FAM13A: variants seen among roughly 807,000 people sequenced by gnomAD.
FAM13A encodes protein FAM13A.
A neutral mutation model predicts 129.6 loss-of-function variants in FAM13A; 76 were observed. The ratio of observed to expected loss-of-function variants is 0.59; its 90% CI spans 0.49 to 0.71. FAM13A has a LOEUF of 0.71. Ranked by LOEUF, FAM13A falls within the 30% of genes least tolerant of loss-of-function variation. FAM13A has a pLI of 0.00. For missense variants in FAM13A, 1,108 were observed against 1,249.3 expected, an observed-to-expected ratio of 0.89 and a Z score of 1.70; for synonymous variants, 443 against 449.9, an observed-to-expected ratio of 0.98 and a Z score of 0.20.
rs1048567195 is a variant in FAM13A, at chr4:88,922,359, C to T, written c.759+15729G>A. Among the ~76,000 whole-genome samples the T allele has an allele frequency of 1.7e-4, 26 of 152,138 alleles. No homozygotes were observed. In the East Asian group the frequency reaches 3.5e-3, roughly 20 times the overall value. ...ACATTATAACAAACTGTCTCTCAGACCACAGTGCAATCAAACTAGAACTCA... is the reference window on the plus strand; with the variant it reads ...ACATTATAACAAACTGTCTCTCAGATCACAGTGCAATCAAACTAGAACTCA... On this transcript the variant is annotated intron_variant, in intron 5 of 23. Transcript: ENST00000264344.
chr4:88,974,411 G>C (rs1760614694), intron 4 of FAM13A, among the ~76,000 whole-genome samples: 1 of 152,128 alleles, frequency 6.6e-6, no homozygotes. Flanking sequence ...CTTGTTGTTA[G>C]GAACGAGTGG....
intron 1 of FAM13A, 102 bp from the exon 2 acceptor site, chr4:89,029,751 T>C (rs1180709174): frequency 1.0e-6 from 1 of 970,782 alleles, no homozygotes; most frequent in Admixed American, 2.2e-5. Context: ...TGAAGATGAA[T>C]AGTTGTGGTC....
intron 10 of FAM13A, among the ~76,000 whole-genome samples, chr4:88,782,420 C>T (rs1723136748): frequency 6.6e-6 from 1 of 151,960 alleles, no homozygotes; most frequent in African/African-American, 2.4e-5. Flanking sequence ...GTTAATGTAC[C>T]TCCCTAAACA....
At chr4:88,792,947 T>C (rs1275984658) in intron 8 of FAM13A, among the ~76,000 whole-genome samples, 1 of 152,056 alleles carries the variant, frequency 6.6e-6, no homozygotes, top group Non-Finnish European at 1.5e-5. Flanking sequence ...CTGAGATTTC[T>C]AACTCTTTAA....
intron 7 of FAM13A, among the ~76,000 whole-genome samples, chr4:88,830,611 C>T (rs1265095089): frequency 6.6e-6 from 1 of 152,166 alleles, no homozygotes; most frequent in Non-Finnish European, 1.5e-5. Flanking sequence ...AGATGCCCCT[C>T]TTTAATTCTG....
At chr4:88,864,248 G>C (rs886640575) in intron 6 of FAM13A, among the ~76,000 whole-genome samples, 6 of 152,214 alleles carry the variant, frequency 3.9e-5, no homozygotes, top group Admixed American at 3.3e-4. Context: ...AGGATGCCAG[G>C]AAAGATTCCA....
At chr4:88,799,247 C>A (rs1726911953) in intron 8 of FAM13A, among the ~76,000 whole-genome samples, 1 of 152,154 alleles carries the variant, frequency 6.6e-6, no homozygotes, top group South Asian at 2.1e-4. Flanking sequence ...CGACCTGAGA[C>A]TTAGAATCCT....
chr4:89,009,898 T>C (rs578074280), intron 3 of FAM13A, among the ~76,000 whole-genome samples: 24 of 152,282 alleles, frequency 1.6e-4, no homozygotes, highest in African/African-American at 5.8e-4. Context: ...CTCTTAATCA[T>C]GAGTAACTAC....
At chr4:89,039,902 AC>A (rs1769884224) in intron 1 of FAM13A, among the ~76,000 whole-genome samples, 1 of 152,014 alleles carries the variant, frequency 6.6e-6, no homozygotes, top group East Asian at 1.9e-4. Flanking sequence ...GCAGTGAGCT[AC>A]GATCACACCA....
intron 2 of FAM13A, among the ~76,000 whole-genome samples, chr4:89,022,631 T>C (rs1032535659): frequency 3.9e-5 from 6 of 152,142 alleles, no homozygotes; most frequent in African/African-American, 1.4e-4. Context: ...TCCCCTCTAC[T>C]TGAGTGTGGG....
intron 6 of FAM13A, among the ~76,000 whole-genome samples, chr4:88,872,730 G>A (rs557551840): frequency 5.2e-4 from 79 of 152,212 alleles, no homozygotes; most frequent in African/African-American, 1.7e-3. Flanking sequence ...ACAGATCAAC[G>A]AGACAGAAGA....
chr4:89,037,853 C>T (rs553731923), intron 1 of FAM13A, among the ~76,000 whole-genome samples: 1 of 152,220 alleles, frequency 6.6e-6, no homozygotes, highest in Admixed American at 6.5e-5. Context: ...TAAGATGAAC[C>T]TGCTTCCCCT....
intron 4 of FAM13A, among the ~76,000 whole-genome samples, chr4:88,983,893 T>C (rs1321215696): frequency 6.6e-6 from 1 of 152,184 alleles, no homozygotes; most frequent in Non-Finnish European, 1.5e-5. Flanking sequence ...ACTTCATGAT[T>C]TTAAAACTCA....
intron 8 of FAM13A, among the ~76,000 whole-genome samples, chr4:88,793,238 T>C (rs1725515251): frequency 6.6e-6 from 1 of 152,000 alleles, no homozygotes; most frequent in Non-Finnish European, 1.5e-5. Context: ...GGAAAACTCA[T>C]GTTAACCTCA....
At chr4:88,771,099 A>C (rs1216722679) in intron 11 of FAM13A, among the ~76,000 whole-genome samples, 2 of 151,126 alleles carry the variant, frequency 1.3e-5, no homozygotes, top group African/African-American at 4.9e-5. Flanking sequence ...GCTGGGTTGC[A>C]CCTATACCTT....
chr4:88,797,994 A>G (rs1726573351), intron 8 of FAM13A, among the ~76,000 whole-genome samples: 1 of 152,162 alleles, frequency 6.6e-6, no homozygotes. Context: ...CTTTGTGTTT[A>G]GTGGTTCTTA....
At chr4:88,997,163 T>C (rs1052522808) in intron 3 of FAM13A, among the ~76,000 whole-genome samples, 4 of 152,338 alleles carry the variant, frequency 2.6e-5, no homozygotes, top group East Asian at 1.9e-4. Context: ...TATTAACATA[T>C]GTTAACTGCT....
chr4:88,974,035 G>A (rs940698732), intron 4 of FAM13A, among the ~76,000 whole-genome samples: 1 of 152,138 alleles, frequency 6.6e-6, no homozygotes, highest in African/African-American at 2.4e-5. Flanking sequence ...AAATGCTCTA[G>A]TATATTTCAA....
chr4:88,832,786 T>C (rs539650125), intron 7 of FAM13A, among the ~76,000 whole-genome samples: 1 of 152,342 alleles, frequency 6.6e-6, no homozygotes, highest in East Asian at 1.9e-4. Flanking sequence ...TTGGTGGAAA[T>C]GTAAACTAGT....
Sources: gnomAD v4.1 joint callset for allele counts (sites outside exome capture counted in the v4.1 genomes callset) on GRCh38, gnomAD v4.1.1 for gene constraint, MANE v1.5 for transcripts, NCBI Gene and HGNC (gene_info 2026-07-23, HGNC 2026-07-21) for gene names.